The following PGAP6 variants were observed in gnomAD, a reference collection of about 807,000 sequenced individuals.
The protein encoded by PGAP6 is post-GPI attachment to proteins 6.
A neutral mutation model predicts 68.4 loss-of-function variants in PGAP6; 62 were observed. The ratio of observed to expected loss-of-function variants is 0.91; its 90% CI spans 0.74 to 1.12. PGAP6 has a LOEUF of 1.12. Ranked by LOEUF, PGAP6 falls within the 50% of genes most tolerant of loss-of-function variation. The pLI, the probability that PGAP6 is intolerant of heterozygous loss-of-function variation, is 0.00. For missense variants in PGAP6, 1,188 were observed against 1,068.5 expected (o/e 1.11, Z -1.56); for synonymous variants, 575 against 474.0 (o/e 1.21, Z -2.77).
rs2054390878 is a variant in PGAP6 at position 377,046 on chromosome 16, C to T, written c.626G>A (p.Ser209Asn). ...PLPQTLLSHP[S>N]YLKVFVPDYT... ...CCAGGCCCCCGCTCACTTGAGGTAG[C>T]TGGGATGGGAGAGGAGGGTCTGAGG... Residue 209 changes from serine to asparagine, a missense_variant, in exon 4 of 13, where the codon AGC becomes AAC. Ser to Asn is a conservative substitution (Grantham distance 46). Transcript: ENST00000431232. The T allele has an allele frequency of 1.9e-6, 3 of 1,612,850 alleles. No homozygotes were observed. The highest frequency in any genetic ancestry group is 3.3e-5 in the Admixed American group (2 of 59,998).
intron 1 of PGAP6, among the ~76,000 whole-genome samples, chr16:379,122 G>A (rs2141764837): frequency 6.6e-6 from 1 of 152,338 alleles, no homozygotes; most frequent in East Asian, 1.9e-4. Flanking sequence ...GGCTTCAGAA[G>A]GAAAAGCACA....
chr16:374,792 G>A lies in PGAP6; in HGVS notation c.1540C>T (p.His514Tyr), dbSNP rs761822132. ...PYGQCLLLRRHSYLYASCSCK... is the reference protein window; with the variant it reads ...PYGQCLLLRRYSYLYASCSCK... ...CTGCAGCTGGCATACAGGTAGCTGT[G>A]TCTGCGGAGCAGGAGGCACTGGCCA... Residue 514 changes from histidine to tyrosine, a missense_variant, in exon 9 of 13, where the codon CAC (histidine) becomes TAC (tyrosine). Coordinates refer to ENST00000431232, the MANE Select transcript of PGAP6 (RefSeq NM_021259.3). The A allele has an allele frequency of 5.6e-6, 9 of 1,612,732 alleles. No individual in the cohort carries two copies. The highest frequency in any genetic ancestry group is 5.9e-6 in the Non-Finnish European group (7 of 1,179,964).
At chr16:385,760 G>T (rs1220557922), upstream of PGAP6, among the ~76,000 whole-genome samples, 2 of 151,056 alleles carry the variant, frequency 1.3e-5, no homozygotes, top group Non-Finnish European at 2.9e-5. Flanking sequence ...GAGTAGCTGG[G>T]ACTACAGGCG....
At position 374,169 on chromosome 16, in the gene PGAP6, G is replaced by C; in HGVS notation, c.1756-18C>G. 1.2e-6 allele frequency: 2 copies of C among 1,610,584 alleles called. No homozygotes were observed. The highest frequency in any genetic ancestry group is 2.2e-5 in the South Asian group (2 of 91,068). On this transcript the variant is annotated intron_variant, in intron 10 of 12. Transcript: ENST00000431232. ...TGGTAGAACTGTGGGGAGGCTCCATGAGCGCGGTCCTGCCCTCCCACCCCA... is the reference window on the plus strand; with the variant it reads ...TGGTAGAACTGTGGGGAGGCTCCATCAGCGCGGTCCTGCCCTCCCACCCCA...
In PGAP6 at chr16:376,623, G is replaced by C; in HGVS notation, c.825C>G (p.Asp275Glu). ...TCTCAGCTGTCACTTGCAGCCACCG[G>C]TCCCAGGGCGGTGAGGGCAGCAGCA... ...CRLLLPSPPW[D>E]RWLQVTAESL... The change falls in exon 5 of 13, where the codon GAC (aspartate) becomes GAG (glutamate). Residue 275 changes from aspartate (D) to glutamate (E), a missense_variant. Physicochemically the swap from Asp to Glu is conservative, Grantham distance 45 (BLOSUM62 2). Transcript: ENST00000431232. The C allele has an allele frequency of 6.2e-7, 1 of 1,600,866 alleles. No homozygotes were observed. Among genetic ancestry groups the C allele is most frequent in the Non-Finnish European group, 8.5e-7 (1 of 1,173,164 alleles).
At chr16:372,826 C>T (rs528398828) in intron 11 of PGAP6, 99 bp from the exon 12 acceptor site, 1 of 827,140 alleles carries the variant, frequency 1.2e-6, no homozygotes, top group Non-Finnish European at 1.9e-6. Context: ...TCTGCCTGCC[C>T]CCTCGGAGCT....
In PGAP6 at chr16:376,551, G is replaced by C. The variant is rs768958935; in HGVS notation, c.897C>G (p.Ala299=). 1.2e-5 allele frequency: 18 copies of C among 1,546,698 alleles called. No individual in the cohort carries two copies. Among genetic ancestry groups the C allele is most frequent in the Non-Finnish European group, 1.6e-5 (18 of 1,145,492 alleles). ...LGTVAFSAVA[A]LTACRPRSVT... ...AGCCCTTGTGCGGCCCACCTGTGAGGGCAGCTACAGCACTGAAAGCCACTG... is the reference window on the plus strand; with the variant it reads ...AGCCCTTGTGCGGCCCACCTGTGAGCGCAGCTACAGCACTGAAAGCCACTG... The change falls in exon 5 of 13, where the codon GCC becomes GCG. Residue 299 remains alanine, a synonymous_variant. Coordinates refer to ENST00000431232, the MANE Select transcript of PGAP6 (RefSeq NM_021259.3).
At position 371,883 on chromosome 16, in the gene PGAP6, T is replaced by C; in HGVS notation, c.*104A>G. The C allele has an allele frequency of 1.5e-6, 2 of 1,337,458 alleles. No individual in the cohort carries two copies. Among genetic ancestry groups the C allele is most frequent in the East Asian group, 2.3e-5 (1 of 43,130 alleles). 82.8% of individuals were successfully genotyped at this position (1,337,458 alleles called of 1,614,324 possible). On this transcript the variant is annotated 3_prime_UTR_variant, in exon 13 of 13. Coordinates refer to ENST00000431232, the MANE Select transcript of PGAP6 (RefSeq NM_021259.3). ...GTAAGAGGGTATCTAGGCCAATTTA[T>C]TCAGCTGGAAATCAATCTGTCCAGG...
rs1311673941 is a variant in PGAP6 at position 374,903 on chromosome 16, G to C, written c.1440-11C>G. 3 of 1,612,560 alleles carry C rather than the reference G, an allele frequency of 1.9e-6. No individual in the cohort carries two copies. The South Asian group carries it at 3.3e-5, about 18-fold the overall frequency. ...GCCTGCTCACAGTCCCTTTGAGGAAGGGGCCACAGGAAAGCTGGTGCAGTG... is the reference window on the plus strand; with the variant it reads ...GCCTGCTCACAGTCCCTTTGAGGAACGGGCCACAGGAAAGCTGGTGCAGTG... On this transcript the variant is annotated splice_polypyrimidine_tract_variant and intron_variant, in intron 8 of 12. Transcript: ENST00000431232.
chr16:375,986 G>C (rs866857949), intron 6 of PGAP6, 150 bp downstream of exon 6: 245 of 801,176 alleles, frequency 3.1e-4, no homozygotes, highest in Middle Eastern at 1.9e-3. Flanking sequence ...CAGCAGGGGA[G>C]GCCCCCCAAC....
intron 1 of PGAP6, among the ~76,000 whole-genome samples, chr16:381,374 G>C (rs1483845416): frequency 6.6e-6 from 1 of 152,206 alleles, no homozygotes; most frequent in East Asian, 1.9e-4. Context: ...GTCCCGGGCA[G>C]AGTCCCCTGG....
upstream of PGAP6, among the ~76,000 whole-genome samples, chr16:385,066 T>C (rs1480817377): frequency 2.0e-5 from 3 of 149,848 alleles, no homozygotes; most frequent in African/African-American, 7.4e-5. Context: ...CTCAGGAGGC[T>C]GAGGCAGGAG....
intron 1 of PGAP6, among the ~76,000 whole-genome samples, chr16:378,299 C>T (rs1483918728): frequency 0.045 from 4,749 of 104,486 alleles, 103 homozygotes; most frequent in Non-Finnish European, 0.052. Flanking sequence ...GCCACCCGCA[C>T]TGCCATCGCC....
At position 377,763 on chromosome 16, in the gene PGAP6, G is replaced by C; in HGVS notation, c.207C>G (p.Arg69=). 1 of 1,592,072 alleles carries C rather than the reference G, an allele frequency of 6.3e-7. No individual in the cohort carries two copies. The highest frequency in any genetic ancestry group is 1.3e-5 in the African/African-American group (1 of 74,678). Residue 69 remains arginine, a synonymous_variant, in exon 2 of 13, where the codon CGC becomes CGG. Transcript: ENST00000431232. ...YSWYGSARLF[R]FRVPPDAVLL... is the part of the protein sequence containing the mutation. ...GCACAGCATCTGGGGGCACGCGGAA[G>C]CGGAAGAGCCTGGCACTGCCGTACC...
chr16:385,635 TTTTTTTTG>T, upstream of PGAP6, among the ~76,000 whole-genome samples: 1 of 129,994 alleles, frequency 7.7e-6, no homozygotes, highest in African/African-American at 3.1e-5. Context: ...TTTTTTTTTT[TTTTTTTTG>T]AGATGGAATC....
At chr16:385,618 ATTTTT>A (rs71139779), upstream of PGAP6, among the ~76,000 whole-genome samples, 2 of 77,000 alleles carry the variant, frequency 2.6e-5, no homozygotes, top group African/African-American at 6.4e-5. Context: ...GCCTACTCTG[ATTTTT>A]TTTTTTTTTT....
intron 11 of PGAP6, 75 bp from the exon 12 acceptor site, chr16:372,802 G>A (rs1248860385): frequency 3.4e-5 from 36 of 1,058,986 alleles, no homozygotes; most frequent in South Asian, 2.9e-5. Context: ...CGTACCCCAC[G>A]GCCCCACAGC....
chr16:372,643 G>A lies in PGAP6; in HGVS notation c.1987C>T (p.Leu663Phe). Residue 663 changes from leucine to phenylalanine, a missense_variant, in exon 12 of 13, where the codon CTC becomes TTC. By Grantham distance (22) the Leu-to-Phe change is conservative. Transcript: ENST00000431232. ...GAGGCCATGATCACGAAGGCAAAGA[G>A]GCAGGGCCCCAGCATGTTCCACATG... ...RGMWNMLGPC[L>F]FAFVIMASMW... is the part of the protein sequence containing the mutation. The A allele has an allele frequency of 6.2e-7, 1 of 1,612,314 alleles. No homozygotes were observed. Among genetic ancestry groups the A allele is most frequent in the Non-Finnish European group, 8.5e-7 (1 of 1,179,834 alleles).
intron 6 of PGAP6, 151 bp downstream of exon 6, chr16:375,985 A>C (rs564560052): frequency 1.3e-6 from 1 of 787,688 alleles, no homozygotes; most frequent in Admixed American, 3.1e-5. Flanking sequence ...CCAGCAGGGG[A>C]GGCCCCCCAA....
Sources: allele counts gnomAD v4.1 joint callset (sites outside exome capture counted in the v4.1 genomes callset), GRCh38; gene constraint gnomAD v4.1.1; transcripts MANE v1.5; gene names NCBI Gene and HGNC (gene_info 2026-07-23, HGNC 2026-07-21).